PDE4D: variants seen among roughly 807,000 people sequenced by gnomAD.
The protein encoded by PDE4D is phosphodiesterase 4D.
Under a neutral mutation model 87.4 loss-of-function variants are expected in PDE4D, and 24 were observed. That is an observed-to-expected ratio of 0.27 (90% CI 0.20 to 0.39). The LOEUF (loss-of-function observed/expected upper bound fraction) is 0.39, where lower values mean the gene tolerates loss of function less well. Ranked by LOEUF, PDE4D falls within the 10% of genes least tolerant of loss-of-function variation. The pLI, the probability that PDE4D is intolerant of heterozygous loss-of-function variation, is 1.00. For synonymous variants in PDE4D, 384 were observed against 383.2 expected, an observed-to-expected ratio of 1.00 and a Z score of -0.02; for missense variants, 714 against 1,041.0, an observed-to-expected ratio of 0.69 and a Z score of 4.32.
At chr5:60,150,853 A>G (rs1021973746) in intron 2 of PDE4D, among the ~76,000 whole-genome samples, 2 of 152,136 alleles carry the variant, frequency 1.3e-5, no homozygotes, top group Admixed American at 6.5e-5. Flanking sequence ...CAAACTCATG[A>G]GTTTGTCTCT....
intron 3 of PDE4D, among the ~76,000 whole-genome samples, chr5:59,907,067 T>C (rs1157836488): frequency 1.3e-5 from 2 of 152,150 alleles, no homozygotes; most frequent in Non-Finnish European, 2.9e-5. Flanking sequence ...AATGAGATAA[T>C]GTCACTGGCG....
intron 5 of PDE4D, among the ~76,000 whole-genome samples, chr5:59,169,896 G>C (rs62357968): frequency 0.051 from 7,800 of 152,234 alleles, 266 homozygotes; most frequent in South Asian, 0.069. Context: ...TTTTGTGGTT[G>C]TTCTCAGGAA....
At chr5:59,268,133 C>T (rs1763159717) in intron 1 of PDE4D, among the ~76,000 whole-genome samples, 1 of 152,008 alleles carries the variant, frequency 6.6e-6, no homozygotes. Context: ...TTGTGTTTTT[C>T]TAACTCTTAT....
intron 1 of PDE4D, among the ~76,000 whole-genome samples, chr5:59,523,427 T>C (rs1012447241): frequency 6.6e-6 from 1 of 152,264 alleles, no homozygotes; most frequent in Non-Finnish European, 1.5e-5. Flanking sequence ...AAATTTCCTA[T>C]GTTGTTTCTG....
chr5:59,747,695 C>T (rs894405532), intron 1 of PDE4D, among the ~76,000 whole-genome samples: 1 of 152,096 alleles, frequency 6.6e-6, no homozygotes, highest in African/African-American at 2.4e-5. Flanking sequence ...ACTCTGAAAC[C>T]AGATCTATCA....
At chr5:59,887,349 A>G (rs1750315349) in intron 1 of PDE4D, among the ~76,000 whole-genome samples, 1 of 152,202 alleles carries the variant, frequency 6.6e-6, no homozygotes, top group South Asian at 2.1e-4. Flanking sequence ...TCTTCGGGAA[A>G]AATCAGTTTT....
chr5:59,204,951 C>T (rs1206798557), intron 2 of PDE4D, among the ~76,000 whole-genome samples: 1 of 152,220 alleles, frequency 6.6e-6, no homozygotes, highest in Non-Finnish European at 1.5e-5. Context: ...GCCTACTAGG[C>T]ACCAGACACG....
At chr5:59,837,291 C>T (rs1412786014) in intron 1 of PDE4D, among the ~76,000 whole-genome samples, 1 of 152,060 alleles carries the variant, frequency 6.6e-6, no homozygotes, top group Non-Finnish European at 1.5e-5. Flanking sequence ...TGTCCAGTGT[C>T]TAGCCAGGTC....
intron 1 of PDE4D, among the ~76,000 whole-genome samples, chr5:60,185,874 G>A (rs1784736210): frequency 6.7e-6 from 1 of 149,470 alleles, no homozygotes; most frequent in African/African-American, 2.5e-5. Flanking sequence ...TTAAATGTAA[G>A]TTAGAGATTT....
intron 1 of PDE4D, among the ~76,000 whole-genome samples, chr5:59,728,959 G>A (rs1014935593): frequency 6.6e-6 from 1 of 152,040 alleles, no homozygotes; most frequent in Admixed American, 6.6e-5. Context: ...GCTCCCAGAT[G>A]TTATTAATGT....
chr5:60,286,245 C>A (rs1752406026), intron 1 of PDE4D, among the ~76,000 whole-genome samples: 1 of 152,114 alleles, frequency 6.6e-6, no homozygotes, highest in African/African-American at 2.4e-5. Context: ...GATACATACC[C>A]TGGCAGAAGC....
chr5:60,431,375 C>T lies in PDE4D; in HGVS notation c.-90+56567G>A, dbSNP rs577403975. 6.6e-3 allele frequency among the ~76,000 whole-genome samples: 994 copies of T among 150,008 alleles called. 12 individuals carry two copies. The highest frequency in any genetic ancestry group is 0.023 in the African/African-American group (934 of 40,622). On this transcript the variant is annotated intron_variant, in intron 1 of 16. Coordinates refer to the PDE4D transcript ENST00000502484. ...CTCAGATGGGGCGGCCGGGCAGAGA[C>T]GCTCCTCACCTCCCAGACGGGTTCG...
At chr5:60,053,156 C>A (rs1463206033) in intron 2 of PDE4D, among the ~76,000 whole-genome samples, 1 of 152,156 alleles carries the variant, frequency 6.6e-6, no homozygotes, top group Non-Finnish European at 1.5e-5. Flanking sequence ...ATCAAGCTAC[C>A]ACTGACTTTC....
intron 1 of PDE4D, among the ~76,000 whole-genome samples, chr5:59,428,222 G>A (rs1334361926): frequency 6.6e-6 from 1 of 152,040 alleles, no homozygotes; most frequent in Non-Finnish European, 1.5e-5. Context: ...ATTTTATAAG[G>A]ATATACTTAG....
At chr5:59,490,465 A>G (rs886144639) in intron 1 of PDE4D, among the ~76,000 whole-genome samples, 9 of 152,202 alleles carry the variant, frequency 5.9e-5, no homozygotes, top group Non-Finnish European at 8.8e-5. Flanking sequence ...CACTTTGAAG[A>G]TGAAGCTGGA....
chr5:60,390,522 A>T (rs1762489052), intron 1 of PDE4D, among the ~76,000 whole-genome samples: 1 of 152,114 alleles, frequency 6.6e-6, no homozygotes. Context: ...CTTATTAATT[A>T]AAATGACTGA....
chr5:59,003,216 G>A (rs571893642), intron 6 of PDE4D, among the ~76,000 whole-genome samples: 1 of 152,214 alleles, frequency 6.6e-6, no homozygotes, highest in Admixed American at 6.5e-5. Flanking sequence ...TTACTTCAAA[G>A]CTAGTAATGC....
intron 1 of PDE4D, among the ~76,000 whole-genome samples, chr5:59,319,160 ATG>A (rs59099367): frequency 0.065 from 9,082 of 139,508 alleles, 375 homozygotes; most frequent in African/African-American, 0.11. Flanking sequence ...GTACATATAT[ATG>A]TGTGTGTGTG....
intron 5 of PDE4D, among the ~76,000 whole-genome samples, chr5:59,045,992 G>T (rs1289851318): frequency 2.6e-5 from 4 of 152,162 alleles, no homozygotes; most frequent in Admixed American, 1.3e-4. Flanking sequence ...TGAACAGAAG[G>T]ACTGCCCAAT....
Sources: allele counts gnomAD v4.1 joint callset (sites outside exome capture counted in the v4.1 genomes callset), GRCh38; gene constraint gnomAD v4.1.1; transcripts MANE v1.5; gene names NCBI Gene and HGNC (gene_info 2026-07-23, HGNC 2026-07-21).